GNG4: variants seen among roughly 807,000 people sequenced by gnomAD.
GNG4 encodes guanine nucleotide-binding protein G(I)/G(S)/G(O) subunit gamma-4.
In GNG4, 4 loss-of-function variants were observed where a neutral mutation model predicts 5.8. The ratio of observed to expected loss-of-function variants is 0.69; its 90% confidence interval spans 0.34 to 1.57. The LOEUF (loss-of-function observed/expected upper bound fraction) is 1.57. GNG4 is among the 40% of genes most tolerant of loss of function. The pLI, the probability that GNG4 is intolerant of heterozygous loss-of-function variation, is 0.06. For missense variants in GNG4, 96 were observed against 95.1 expected, an observed-to-expected ratio of 1.01 and a Z score of -0.04; for synonymous variants, 29 against 32.9, an observed-to-expected ratio of 0.88 and a Z score of 0.41.
chr1:235,595,580 C>T (rs1005991179), intron 1 of GNG4, 69 bp from the exon 2 acceptor site: 1 of 152,360 alleles, frequency 6.6e-6, no homozygotes, highest in African/African-American at 2.4e-5. Flanking sequence ...GAGTCCCCAT[C>T]CACCCTGTCC....
intron 2 of GNG4, among the ~76,000 whole-genome samples, chr1:235,591,633 G>A (rs1008645524): frequency 6.6e-6 from 1 of 152,142 alleles, no homozygotes; most frequent in Non-Finnish European, 1.5e-5. Flanking sequence ...CATCCCACCT[G>A]GACCCAAGAA....
intron 1 of GNG4, among the ~76,000 whole-genome samples, chr1:235,646,013 G>A (rs1358080699): frequency 2.0e-5 from 3 of 152,104 alleles, no homozygotes; most frequent in African/African-American, 7.2e-5. Context: ...CAGCTCATAT[G>A]ATCCATCGTG....
chr1:235,557,138 G>T (rs1337952836), intron 3 of GNG4, among the ~76,000 whole-genome samples: 1 of 150,474 alleles, frequency 6.6e-6, no homozygotes, highest in Non-Finnish European at 1.5e-5. Flanking sequence ...CGGCGGTTGG[G>T]GACCCGTTTT....
intron 1 of GNG4, among the ~76,000 whole-genome samples, chr1:235,622,389 G>T (rs200216443): frequency 6.6e-6 from 1 of 152,152 alleles, no homozygotes. Context: ...GTAGCTAAGG[G>T]GTGAGGCTGG....
intron 3 of GNG4, among the ~76,000 whole-genome samples, chr1:235,559,144 G>A (rs997186137): frequency 6.6e-6 from 1 of 152,176 alleles, no homozygotes; most frequent in Admixed American, 6.5e-5. Flanking sequence ...CTATTTAACA[G>A]TACTACTGGG....
chr1:235,590,501 C>G (rs769065498), intron 2 of GNG4, among the ~76,000 whole-genome samples: 2 of 152,052 alleles, frequency 1.3e-5, no homozygotes, highest in African/African-American at 2.4e-5. Flanking sequence ...CTGAGAGGCC[C>G]CTCAGTAACT....
chr1:235,635,561 G>A (rs1689017207), intron 1 of GNG4, among the ~76,000 whole-genome samples: 1 of 18,700 alleles, frequency 5.3e-5, no homozygotes, highest in Non-Finnish European at 9.2e-5. Flanking sequence ...TTGAGTCATG[G>A]GGGTGGAGCC....
intron 3 of GNG4, among the ~76,000 whole-genome samples, chr1:235,569,624 TTTCC>T (rs1687286241): frequency 6.6e-6 from 1 of 151,884 alleles, no homozygotes; most frequent in Admixed American, 6.6e-5. Flanking sequence ...TCATGACCTC[TTTCC>T]TTGTTTACTG....
At chr1:235,604,020 C>T (rs1688307142) in intron 1 of GNG4, among the ~76,000 whole-genome samples, 1 of 152,220 alleles carries the variant, frequency 6.6e-6, no homozygotes, top group African/African-American at 2.4e-5. Context: ...CTGACCATTG[C>T]TTCGGCCTTG....
rs1686646005 is a variant in GNG4, at chr1:235,548,543, C to T, written c.*3566G>A. ...CTTCATTTGTGTCACATTCTCCAGG[C>T]TCATAGCCCCAAGCAAGGGTCCAGG... On this transcript the variant is annotated 3_prime_UTR_variant, in exon 4 of 4. Transcript: ENST00000391854. 6.6e-6 allele frequency: 1 copy of T among 152,316 alleles called. No homozygotes were observed. Among genetic ancestry groups the T allele is most frequent in the Admixed American group, 6.5e-5 (1 of 15,278 alleles). 9.4% of individuals were successfully genotyped at this position (152,316 alleles called of 1,614,324 possible).
rs1306607302 is a variant in GNG4 at position 235,644,584 on chromosome 1, G to C, written c.-123+5078C>G. Among the ~76,000 whole-genome samples, 1 of 152,196 alleles carries C rather than the reference G, an allele frequency of 6.6e-6. No individual in the cohort carries two copies. Among genetic ancestry groups the C allele is most frequent in the Non-Finnish European group, 1.5e-5 (1 of 68,030 alleles). ...CCTGCCATGCAGCCCCACAGCTGCC[G>C]GGGGGATAAACAAGCACCTTCAGAC... On this transcript the variant is annotated intron_variant, in intron 1 of 3. Transcript: ENST00000391854. The surrounding 1 kb of genome is among the most constrained non-coding windows in gnomAD (Gnocchi z 5.9).
At chr1:235,577,261 C>T (rs1310567012) in intron 3 of GNG4, among the ~76,000 whole-genome samples, 1 of 152,144 alleles carries the variant, frequency 6.6e-6, no homozygotes, top group Non-Finnish European at 1.5e-5. Flanking sequence ...CTGCCGTGCT[C>T]TCACCTGGAA....
At chr1:235,625,225 C>A (rs1571919745) in intron 1 of GNG4, among the ~76,000 whole-genome samples, 1 of 152,182 alleles carries the variant, frequency 6.6e-6, no homozygotes, top group Non-Finnish European at 1.5e-5. Flanking sequence ...TTTTCTTCCC[C>A]ATTTTCCTAG....
chr1:235,587,679 ATGTGTGCGAG>A (rs1254230762), intron 2 of GNG4, among the ~76,000 whole-genome samples: 46 of 7,402 alleles, frequency 6.2e-3, no homozygotes, highest in African/African-American at 0.025. Context: ...ACTGTGGGGT[ATGTGTGCGAG>A]TGTTGGGTGT....
At chr1:235,564,184 C>T (rs2102920744) in intron 3 of GNG4, among the ~76,000 whole-genome samples, 2 of 152,256 alleles carry the variant, frequency 1.3e-5, no homozygotes, top group South Asian at 4.1e-4. Context: ...CCAAATGCCA[C>T]ACGTTCTCAT....
At chr1:235,569,329 C>A (rs1027961943) in intron 3 of GNG4, among the ~76,000 whole-genome samples, 1 of 151,912 alleles carries the variant, frequency 6.6e-6, no homozygotes, top group Non-Finnish European at 1.5e-5. Flanking sequence ...GGCAACATGG[C>A]AAAACCTAGT....
At chr1:235,580,699 T>C (rs1250857468) in intron 3 of GNG4, among the ~76,000 whole-genome samples, 1 of 151,878 alleles carries the variant, frequency 6.6e-6, no homozygotes, top group Non-Finnish European at 1.5e-5. Flanking sequence ...TGCTTTCACG[T>C]TTCCATTATG....
At position 235,649,079 on chromosome 1, in the gene GNG4, C is replaced by A. The variant is rs547590733; in HGVS notation, c.-123+583G>T. Reference sequence around the variant, plus strand: ...GAAGCACATTTCAGTTCAGCACCAGCCTCGGGGACAGACGCCATCAAGGAG... The same window carrying A: ...GAAGCACATTTCAGTTCAGCACCAGACTCGGGGACAGACGCCATCAAGGAG... On this transcript the variant is annotated intron_variant, in intron 1 of 3. Coordinates refer to ENST00000391854, the MANE Select transcript of GNG4 (RefSeq NM_001098722.2). The surrounding 1 kb of genome is among the most constrained non-coding windows in gnomAD (Gnocchi z 5.7). Among the ~76,000 whole-genome samples, 1 of 152,102 alleles carries A rather than the reference C, an allele frequency of 6.6e-6. No individual in the cohort carries two copies. Among genetic ancestry groups the A allele is most frequent in the Non-Finnish European group, 1.5e-5 (1 of 68,002 alleles).
At chr1:235,554,093 G>A (rs426934) in intron 3 of GNG4, among the ~76,000 whole-genome samples, 99,797 of 151,528 alleles carry the variant, frequency 0.66, 33,721 homozygotes, top group East Asian at 0.85. Context: ...ACAAGGAGCA[G>A]GAGCACAGGC....
Sources: gnomAD v4.1 joint callset for allele counts (sites outside exome capture counted in the v4.1 genomes callset) on GRCh38, gnomAD v4.1.1 for gene constraint, Gnocchi (gnomAD v3.1) non-coding constraint, MANE v1.5 for transcripts, NCBI Gene and HGNC (gene_info 2026-07-23, HGNC 2026-07-21) for gene names.